The following MALRD1 variants were observed in gnomAD, a reference collection of about 807,000 sequenced individuals.
The protein encoded by MALRD1 is MAM and LDL-receptor class A domain-containing protein 1.
In MALRD1, 247 loss-of-function variants were observed where a neutral mutation model predicts 242.1. That is an observed-to-expected ratio of 1.02 (90% confidence interval 0.92 to 1.13). MALRD1 has a LOEUF of 1.13. MALRD1 is among the 50% of genes most tolerant of loss of function. The probability of loss-of-function intolerance (pLI) is 0.00; values close to 1 mark genes in which losing one functional copy is unlikely to be tolerated. For synonymous variants in MALRD1, 995 were observed against 866.6 expected (o/e 1.15, Z -2.60); for missense variants, 2,989 against 2,533.1 (o/e 1.18, Z -3.86).
intron 21 of MALRD1, among the ~76,000 whole-genome samples, chr10:19,296,085 A>G (rs1428574352): frequency 2.0e-5 from 3 of 152,028 alleles, no homozygotes; most frequent in African/African-American, 7.3e-5. Context: ...ACATGGTTGT[A>G]TTTTATAAAG....
At chr10:19,214,441 C>T (rs1335221363) in intron 18 of MALRD1, among the ~76,000 whole-genome samples, 2 of 152,180 alleles carry the variant, frequency 1.3e-5, no homozygotes, top group African/African-American at 4.8e-5. Context: ...ATGGTCATTG[C>T]AGAAGTCAAC....
At chr10:19,567,124 A>G (rs1836289985) in intron 32 of MALRD1, among the ~76,000 whole-genome samples, 1 of 152,194 alleles carries the variant, frequency 6.6e-6, no homozygotes, top group Admixed American at 6.5e-5. Context: ...TATCATATTC[A>G]TGTATCATGA....
At chr10:19,507,501 T>C (rs3852465) in intron 31 of MALRD1, among the ~76,000 whole-genome samples, 32,747 of 151,884 alleles carry the variant, frequency 0.22, 5,176 homozygotes, top group African/African-American at 0.46. Context: ...CAGATAGAAG[T>C]GAAGACAATA....
In MALRD1 at chr10:19,123,535, G is replaced by A; in HGVS notation, c.738G>A (p.Glu246=). 2 of 1,233,796 alleles carry A rather than the reference G, an allele frequency of 1.6e-6. No homozygotes were observed. The highest frequency in any genetic ancestry group is 1.0e-6 in the Non-Finnish European group (1 of 988,048). The allele number at this position is 1,233,796 out of a possible 1,614,324, so 76.4% of individuals were successfully genotyped here. A position where few individuals can be genotyped will look rare whatever the true frequency, so the allele number is the denominator to read the frequency against. ...LCQEALNAER[E]LCHPDTDLCR... ...AAGAAGCATTGAATGCTGAGCGGGAGCTATGCCATCCAGATACAGATCTCT... is the reference window on the plus strand; with the variant it reads ...AAGAAGCATTGAATGCTGAGCGGGAACTATGCCATCCAGATACAGATCTCT... Residue 246 remains glutamate (E), a synonymous_variant, in exon 6 of 40, where the codon GAG becomes GAA. Coordinates refer to ENST00000454679, the MANE Select transcript of MALRD1 (RefSeq NM_001142308.3).
At chr10:19,206,096 A>G (rs1258421848) in intron 17 of MALRD1, among the ~76,000 whole-genome samples, 1 of 150,924 alleles carries the variant, frequency 6.6e-6, no homozygotes, top group East Asian at 1.9e-4. Context: ...TATGCAATTT[A>G]TTAAATTTAT....
intron 36 of MALRD1, among the ~76,000 whole-genome samples, chr10:19,686,052 G>A (rs140955491): frequency 1.3e-5 from 2 of 152,234 alleles, no homozygotes; most frequent in African/African-American, 2.4e-5. Context: ...TGGGTCTGCA[G>A]CAACCTCCAT....
At chr10:19,185,795 G>A (rs1835711708) in intron 14 of MALRD1, among the ~76,000 whole-genome samples, 1 of 140,056 alleles carries the variant, frequency 7.1e-6, no homozygotes, top group African/African-American at 2.7e-5. Context: ...GCAACTCTCT[G>A]CTCTATATGT....
At chr10:19,259,960 A>G (rs1839675065) in intron 19 of MALRD1, among the ~76,000 whole-genome samples, 1 of 152,176 alleles carries the variant, frequency 6.6e-6, no homozygotes, top group South Asian at 2.1e-4. Flanking sequence ...GAGAGCAGGT[A>G]TATCACCTCT....
At chr10:19,509,980 G>C (rs543960440) in intron 31 of MALRD1, among the ~76,000 whole-genome samples, 1 of 152,190 alleles carries the variant, frequency 6.6e-6, no homozygotes, top group Non-Finnish European at 1.5e-5. Context: ...AGTTCCCTCA[G>C]TATTTATTGA....
At chr10:19,245,223 A>G (rs1838989990) in intron 18 of MALRD1, among the ~76,000 whole-genome samples, 2 of 152,200 alleles carry the variant, frequency 1.3e-5, no homozygotes, top group African/African-American at 2.4e-5. Context: ...ATTTTTAACT[A>G]TAATCTAGGT....
chr10:19,145,515 A>C (rs912870391), intron 10 of MALRD1, among the ~76,000 whole-genome samples: 1 of 151,966 alleles, frequency 6.6e-6, no homozygotes, highest in Non-Finnish European at 1.5e-5. Context: ...GCATCGTTGC[A>C]TGTGCCTGTA....
intron 38 of MALRD1, chr10:19,722,590 T>TAAAAAAAAAAAACAAAAA (rs1834814709): frequency 2.2e-5 from 1 of 45,366 alleles, no homozygotes; most frequent in Non-Finnish European, 3.6e-5. Context: ...ACCATGTCTC[T>TAAAAAAAAAAAACAAAAA]AAAAAAAAAA....
intron 24 of MALRD1, among the ~76,000 whole-genome samples, chr10:19,334,594 T>C (rs1279532138): frequency 7.9e-5 from 12 of 152,076 alleles, no homozygotes; most frequent in Admixed American, 7.2e-4. Context: ...GTTATAGATA[T>C]AGATGTCCTT....
intron 21 of MALRD1, among the ~76,000 whole-genome samples, chr10:19,316,287 C>T (rs953461661): frequency 6.6e-6 from 1 of 151,636 alleles, no homozygotes. Context: ...CATTTCTATG[C>T]AGGATATTAG....
intron 29 of MALRD1, among the ~76,000 whole-genome samples, chr10:19,484,057 T>G (rs1325079746): frequency 6.6e-6 from 1 of 152,148 alleles, no homozygotes; most frequent in Non-Finnish European, 1.5e-5. Flanking sequence ...TCACTTAACA[T>G]GAGGCCTAAA....
At chr10:19,726,183 A>C (rs75282067) in intron 38 of MALRD1, among the ~76,000 whole-genome samples, 1 of 152,222 alleles carries the variant, frequency 6.6e-6, no homozygotes, top group Admixed American at 6.5e-5. Flanking sequence ...AAATGGTAGA[A>C]AATATTCAAA....
intron 35 of MALRD1, among the ~76,000 whole-genome samples, chr10:19,608,876 A>G (rs1388765416): frequency 3.9e-5 from 6 of 152,190 alleles, no homozygotes; most frequent in Non-Finnish European, 7.4e-5. Context: ...ATACTCTGTC[A>G]CTTTCTCTGC....
At chr10:19,074,779 T>G (rs1835265946) in intron 2 of MALRD1, among the ~76,000 whole-genome samples, 1 of 152,074 alleles carries the variant, frequency 6.6e-6, no homozygotes, top group Non-Finnish European at 1.5e-5. Flanking sequence ...GCAAATTTAT[T>G]TTTATAGGCA....
At chr10:19,449,793 T>C (rs1370490990) in intron 28 of MALRD1, among the ~76,000 whole-genome samples, 9 of 151,674 alleles carry the variant, frequency 5.9e-5, no homozygotes, top group Non-Finnish European at 1.5e-5. Flanking sequence ...ATGACAGGAG[T>C]TTGCCTGTAT....
Sources: allele counts gnomAD v4.1 joint callset (sites outside exome capture counted in the v4.1 genomes callset), GRCh38; gene constraint gnomAD v4.1.1; transcripts MANE v1.5; gene names NCBI Gene and HGNC (gene_info 2026-07-23, HGNC 2026-07-21).